The following ASIC2 variants were observed in gnomAD, a reference collection of about 807,000 sequenced individuals.
ASIC2 encodes the protein acid-sensing ion channel 2.
Under a neutral mutation model 57.3 loss-of-function variants are expected in ASIC2, and 25 were observed. The ratio of observed to expected loss-of-function variants is 0.44; its 90% CI spans 0.32 to 0.61. The LOEUF is 0.61. Among genes scored for constraint, ASIC2 ranks in the 20% least tolerant of loss-of-function variants. ASIC2 has a pLI of 0.06. For missense variants in ASIC2, 641 were observed against 738.1 expected, an observed-to-expected ratio of 0.87 and a Z score of 1.52; for synonymous variants, 319 against 307.5, an observed-to-expected ratio of 1.04 and a Z score of -0.39.
intron 1 of ASIC2, among the ~76,000 whole-genome samples, chr17:33,908,504 A>G (rs1915395784): frequency 6.6e-6 from 1 of 152,232 alleles, no homozygotes; most frequent in African/African-American, 2.4e-5. Flanking sequence ...TGGGGAGATC[A>G]AGAAAGCATA....
chr17:33,405,681 A>G (rs1288645413), intron 1 of ASIC2, among the ~76,000 whole-genome samples: 1 of 151,846 alleles, frequency 6.6e-6, no homozygotes, highest in African/African-American at 2.4e-5. Context: ...ACGGGGTTTC[A>G]ACATGTTGGT....
intron 1 of ASIC2, among the ~76,000 whole-genome samples, chr17:33,785,895 C>T (rs530226263): frequency 2.0e-5 from 3 of 152,272 alleles, no homozygotes; most frequent in African/African-American, 7.2e-5. Context: ...CAAACTACCA[C>T]ATAGGATCCC....
chr17:33,180,909 G>A (rs1178789957), intron 1 of ASIC2, among the ~76,000 whole-genome samples: 1 of 152,144 alleles, frequency 6.6e-6, no homozygotes, highest in East Asian at 1.9e-4. Flanking sequence ...TGCTCCTTCT[G>A]GTCTCTGTGG....
intron 1 of ASIC2, among the ~76,000 whole-genome samples, chr17:33,653,842 A>G (rs1161617598): frequency 6.6e-6 from 1 of 152,214 alleles, no homozygotes; most frequent in African/African-American, 2.4e-5. Context: ...ATTACTTAAA[A>G]ATGTGATAAC....
intron 1 of ASIC2, among the ~76,000 whole-genome samples, chr17:34,047,865 G>A (rs1230453497): frequency 1.3e-5 from 2 of 152,142 alleles, no homozygotes; most frequent in African/African-American, 2.4e-5. Context: ...GTCCCCACTC[G>A]GACAAAGTTT....
At chr17:33,750,714 A>T (rs933729552) in intron 1 of ASIC2, among the ~76,000 whole-genome samples, 3 of 152,144 alleles carry the variant, frequency 2.0e-5, no homozygotes, top group African/African-American at 7.2e-5. Flanking sequence ...TTGAGACATC[A>T]GGCATTGTCT....
At chr17:33,293,305 G>GGGC (rs1353832975), upstream of ASIC2, among the ~76,000 whole-genome samples, 5 of 152,176 alleles carry the variant, frequency 3.3e-5, no homozygotes, top group East Asian at 9.7e-4. Context: ...CGGGCGGGCG[G>GGGC]GGCGGCGGCG....
At chr17:33,855,552 C>T (rs1238058376) in intron 1 of ASIC2, among the ~76,000 whole-genome samples, 1 of 152,114 alleles carries the variant, frequency 6.6e-6, no homozygotes, top group Non-Finnish European at 1.5e-5. Flanking sequence ...ATGCATTATT[C>T]ACTGGCAAAC....
At chr17:33,415,626 C>G (rs1201845219) in intron 1 of ASIC2, among the ~76,000 whole-genome samples, 1 of 151,966 alleles carries the variant, frequency 6.6e-6, no homozygotes, top group Non-Finnish European at 1.5e-5. Context: ...ATGCTGGGAA[C>G]ATCCGGGGCC....
intron 1 of ASIC2, among the ~76,000 whole-genome samples, chr17:33,695,803 A>G (rs1210776808): frequency 2.0e-5 from 3 of 152,222 alleles, no homozygotes; most frequent in Non-Finnish European, 4.4e-5. Flanking sequence ...CATTCTTCCT[A>G]GTCCACAGTT....
At chr17:33,266,342 G>A (rs1909458629) in intron 1 of ASIC2, among the ~76,000 whole-genome samples, 1 of 152,132 alleles carries the variant, frequency 6.6e-6, no homozygotes, top group Non-Finnish European at 1.5e-5. Context: ...CTCAGGGAAG[G>A]CATTCAATAA....
chr17:33,719,601 G>A (rs1909325972), intron 1 of ASIC2, among the ~76,000 whole-genome samples: 1 of 152,250 alleles, frequency 6.6e-6, no homozygotes, highest in Non-Finnish European at 1.5e-5. Flanking sequence ...TCAGCAACGT[G>A]AGAGGTGGCC....
chr17:33,241,989 A>C (rs1036674556), intron 1 of ASIC2, among the ~76,000 whole-genome samples: 4 of 152,158 alleles, frequency 2.6e-5, no homozygotes, highest in African/African-American at 9.7e-5. Context: ...TACAGTAATA[A>C]GTATTCTCCA....
intron 1 of ASIC2, among the ~76,000 whole-genome samples, chr17:33,784,134 T>G (rs1423980521): frequency 5.9e-5 from 9 of 152,204 alleles, no homozygotes; most frequent in Admixed American, 5.9e-4. Context: ...TAGGGAGCCC[T>G]GGAATCAGCC....
At chr17:34,057,292 G>C (rs1470246001) in intron 1 of ASIC2, among the ~76,000 whole-genome samples, 1 of 152,144 alleles carries the variant, frequency 6.6e-6, no homozygotes, top group Non-Finnish European at 1.5e-5. Flanking sequence ...ACTCAGTCTT[G>C]AAAAACTATT....
At chr17:34,032,139 A>G (rs866339638) in intron 1 of ASIC2, among the ~76,000 whole-genome samples, 15 of 152,178 alleles carry the variant, frequency 9.9e-5, no homozygotes, top group Middle Eastern at 3.4e-3. Flanking sequence ...ACAAAGGGAA[A>G]CCCATCAGAC....
At chr17:33,659,119 C>T (rs1032146029) in intron 1 of ASIC2, among the ~76,000 whole-genome samples, 1 of 152,236 alleles carries the variant, frequency 6.6e-6, no homozygotes, top group Admixed American at 6.5e-5. Context: ...CACAGCAGCA[C>T]GCAGGGCGGA....
At chr17:34,124,891 T>C (rs894751588) in intron 1 of ASIC2, among the ~76,000 whole-genome samples, 2 of 151,994 alleles carry the variant, frequency 1.3e-5, no homozygotes, top group Non-Finnish European at 2.9e-5. Context: ...GGGATTAGGC[T>C]TTCAAGATAC....
Position 33,477,421 on chromosome 17 carries a change from C to A in ASIC2, c.556-365354G>T, listed in dbSNP as rs1264380568. Reference sequence around the variant, plus strand: ...ATTCTAGCTCTGGCTCTGTCCCTGCCTGGCTATGGGGCTTGAACTAACATG... The same window carrying A: ...ATTCTAGCTCTGGCTCTGTCCCTGCATGGCTATGGGGCTTGAACTAACATG... On this transcript the variant is annotated intron_variant, in intron 1 of 9. Coordinates refer to the ASIC2 transcript ENST00000359872. 3.9e-5 allele frequency among the ~76,000 whole-genome samples: 6 copies of A among 152,314 alleles called. No individual in the cohort carries two copies. In the East Asian group the frequency reaches 1.2e-3, roughly 29 times the overall value.
Sources: allele counts gnomAD v4.1 joint callset (sites outside exome capture counted in the v4.1 genomes callset), GRCh38; gene constraint gnomAD v4.1.1; transcripts MANE v1.5; gene names NCBI Gene and HGNC (gene_info 2026-07-23, HGNC 2026-07-21).